The following CLIP3 variants were observed in gnomAD, a reference collection of about 807,000 sequenced individuals.
CLIP3 encodes the protein CAP-Gly domain containing linker protein 3.
Under a neutral mutation model 59.4 loss-of-function variants are expected in CLIP3, and 15 were observed. The ratio of observed to expected loss-of-function variants is 0.25; its 90% CI spans 0.17 to 0.39. The LOEUF (loss-of-function observed/expected upper bound fraction) is 0.39, where lower values mean the gene tolerates loss of function less well. CLIP3 is among the 10% of genes least tolerant of loss of function. CLIP3 has a pLI of 1.00. For synonymous variants in CLIP3, 300 were observed against 321.6 expected (o/e 0.93, Z 0.72); for missense variants, 495 against 765.7 (o/e 0.65, Z 4.17).
intron 2 of CLIP3, among the ~76,000 whole-genome samples, chr19:36,028,996 C>CTTTTTTTTTT (rs71167588): frequency 3.1e-5 from 2 of 65,212 alleles, no homozygotes; most frequent in African/African-American, 1.3e-4. Flanking sequence ...ATCTCCTACT[C>CTTTTTTTTTT]TTTTTTTTTT....
At chr19:36,031,023 C>CTTTTTTTTTTTTTTTTTTTCTT (rs55762943) in intron 2 of CLIP3, among the ~76,000 whole-genome samples, 2 of 80,176 alleles carry the variant, frequency 2.5e-5, no homozygotes, top group African/African-American at 9.1e-5. Flanking sequence ...TTTTTTTTTT[C>CTTTTTTTTTTTTTTTTTTTCTT]TTTTTTTTTT....
rs1350720260 is a variant in CLIP3 at position 36,019,008 on chromosome 19, G to A, written c.1073C>T (p.Ser358Phe). ...PPKQGLFASV[S>F]KISKAVDAPP... is the part of the protein sequence containing the mutation. ...TGCGTCCACTGCCTTGGAGATCTTG[G>A]ACACGGAGGCAAAGAGACCTAGGGG... The change falls in exon 9 of 14, where the codon TCC becomes TTC. Residue 358 changes from serine (S) to phenylalanine (F), a missense_variant. Physicochemically the swap from Ser to Phe is radical, Grantham distance 155 (BLOSUM62 -2). Coordinates refer to ENST00000360535, the MANE Select transcript of CLIP3 (RefSeq NM_015526.3). The A allele has an allele frequency of 1.3e-6, 2 of 1,592,988 alleles. No individual in the cohort carries two copies. The highest frequency in any genetic ancestry group is 2.3e-5 in the South Asian group (2 of 87,456).
chr19:36,017,368 T>C lies in CLIP3; in HGVS notation c.1516+18A>G. On this transcript the variant is annotated intron_variant, in intron 12 of 13. Transcript: ENST00000360535. Reference sequence around the variant, plus strand: ...CCCCAAACGTACACTCCTCCCAACATATCATCCCCTAACTCACTTGTCACT... The same window carrying C: ...CCCCAAACGTACACTCCTCCCAACACATCATCCCCTAACTCACTTGTCACT... 6.2e-7 allele frequency: 1 copy of C among 1,612,946 alleles called. No homozygotes were observed. The highest frequency in any genetic ancestry group is 8.5e-7 in the Non-Finnish European group (1 of 1,178,948).
chr19:36,030,923 C>A (rs998511624), intron 2 of CLIP3, among the ~76,000 whole-genome samples: 1 of 152,128 alleles, frequency 6.6e-6, no homozygotes, highest in African/African-American at 2.4e-5. Flanking sequence ...AAAGAGCAGC[C>A]CTGACTACCC....
In CLIP3 at chr19:36,017,455, G is replaced by A; in HGVS notation, c.1452-5C>T. 6.2e-7 allele frequency: 1 copy of A among 1,614,142 alleles called. No individual in the cohort carries two copies. Among genetic ancestry groups the A allele is most frequent in the South Asian group, 1.1e-5 (1 of 91,080 alleles). ...GAATCAGTGGATCCGCCAATCCTGA[G>A]GAGACACGGGGAGGGGGAGAAGTCA... On this transcript the variant is annotated splice_polypyrimidine_tract_variant and splice_region_variant and intron_variant, in intron 11 of 13. Coordinates refer to ENST00000360535, the MANE Select transcript of CLIP3 (RefSeq NM_015526.3).
chr19:36,026,448 C>G lies in CLIP3; in HGVS notation c.562+138G>C, dbSNP rs972127646. The G allele has an allele frequency of 3.2e-6, 4 of 1,264,738 alleles. No homozygotes were observed. The African/African-American group carries it at 5.9e-5, about 19-fold the overall frequency. The allele number at this position is 1,264,738 out of a possible 1,614,324, so 78.3% of individuals were successfully genotyped here. On this transcript the variant is annotated intron_variant, in intron 5 of 13. Coordinates refer to ENST00000360535, the MANE Select transcript of CLIP3 (RefSeq NM_015526.3). This position sits in a 1 kb window ranked among gnomAD's most constrained non-coding sequence, Gnocchi z 6.3. The stretch of plus-strand genomic sequence containing the variant: ...CCTCCCTAGAGTGGTAGTCCCTGAG[C>G]CCCCTCTCCCACGCCTCCAACCTCC...
chr19:36,016,844 C>CT lies in CLIP3; in HGVS notation c.1589+62dup. On this transcript the variant is annotated intron_variant, in intron 13 of 13. Coordinates refer to ENST00000360535, the MANE Select transcript of CLIP3 (RefSeq NM_015526.3). This position sits in a 1 kb window ranked among gnomAD's most constrained non-coding sequence, Gnocchi z 4.1. ...CAGAGCTCCAGACCTCTGGGTCCAA[C>CT]TGCCTTATGGATCCCTCTCCCTGAA... 1 of 1,553,272 alleles carries CT rather than the reference C, an allele frequency of 6.4e-7. No homozygotes were observed. Among genetic ancestry groups the CT allele is most frequent in the South Asian group, 1.2e-5 (1 of 86,950 alleles).
At chr19:36,017,823 C>A (rs757338516) in intron 10 of CLIP3, 25 bp downstream of exon 10, 2 of 1,614,182 alleles carry the variant, frequency 1.2e-6, no homozygotes, top group African/African-American at 1.3e-5. Context: ...CTGCCTGCCT[C>A]CCGGCCCAGA....
intron 7 of CLIP3, among the ~76,000 whole-genome samples, chr19:36,019,620 T>TC (rs935162336): frequency 1.3e-5 from 2 of 150,878 alleles, no homozygotes; most frequent in African/African-American, 4.9e-5. Flanking sequence ...TTTTTTTTTT[T>TC]CGAGACAGCG....
chr19:36,019,133 C>A (rs1237669178), intron 8 of CLIP3, 38 bp downstream of exon 8: 1 of 1,612,360 alleles, frequency 6.2e-7, no homozygotes. Flanking sequence ...CGAGTGGACA[C>A]CCAGCCACAC....
At chr19:36,029,438 A>G (rs932197128) in intron 2 of CLIP3, among the ~76,000 whole-genome samples, 1 of 149,690 alleles carries the variant, frequency 6.7e-6, no homozygotes, top group Non-Finnish European at 1.5e-5. Context: ...AGTATACATC[A>G]CCATGCCCAG....
chr19:36,018,955 G>A lies in CLIP3; in HGVS notation c.1126C>T (p.Arg376Trp), dbSNP rs772384420. 15 of 1,610,154 alleles carry A rather than the reference G, an allele frequency of 9.3e-6. No individual in the cohort carries two copies. The highest frequency in any genetic ancestry group is 3.4e-5 in the Admixed American group (2 of 59,138). The change falls in exon 9 of 14, where the codon CGG (arginine) becomes TGG (tryptophan). Residue 376 changes from arginine to tryptophan, a missense_variant. Physicochemically the swap from Arg to Trp is moderately radical, Grantham distance 101. Coordinates refer to ENST00000360535, the MANE Select transcript of CLIP3 (RefSeq NM_015526.3). ...APPSSVTSTP[R>W]TPRMDFSRVT... ...CGGGAGAAGTCCATCCGGGGGGTCCGGGGTGTGGAGGTGACAGAGGAGGGG... is the reference window on the plus strand; with the variant it reads ...CGGGAGAAGTCCATCCGGGGGGTCCAGGGTGTGGAGGTGACAGAGGAGGGG...
chr19:36,031,008 C>CTTTTTTTT (rs374690845), intron 2 of CLIP3, among the ~76,000 whole-genome samples: 124 of 77,832 alleles, frequency 1.6e-3, no homozygotes, highest in East Asian at 3.4e-3. Context: ...TTTTTCTTTT[C>CTTTTTTTT]TTTTTTTTTT....
intron 2 of CLIP3, among the ~76,000 whole-genome samples, chr19:36,027,569 G>A (rs957783531): frequency 1.3e-5 from 2 of 152,194 alleles, no homozygotes; most frequent in Non-Finnish European, 2.9e-5. Flanking sequence ...AGAGAGTGCA[G>A]TACCTTGGAG....
rs1380936857 is a variant in CLIP3 at position 36,032,825 on chromosome 19, G to A, written c.-160C>T. ...CGTGATGGGGGAGGCAAGGGAGACAGAGAGAAGGGGACGAGGCCCAGACGC... is the reference window on the plus strand; with the variant it reads ...CGTGATGGGGGAGGCAAGGGAGACAAAGAGAAGGGGACGAGGCCCAGACGC... On this transcript the variant is annotated 5_prime_UTR_variant, in exon 1 of 14. Transcript: ENST00000360535. The surrounding 1 kb of genome is among the most constrained non-coding windows in gnomAD (Gnocchi z 4.3). 1 of 152,678 alleles carries A rather than the reference G, an allele frequency of 6.5e-6. No individual in the cohort carries two copies. The highest frequency in any genetic ancestry group is 1.5e-5 in the Non-Finnish European group (1 of 68,346). 9.5% of individuals were successfully genotyped at this position (152,678 alleles called of 1,614,324 possible).
In CLIP3 at chr19:36,026,566, G is replaced by A. The variant is rs376822878; in HGVS notation, c.562+20C>T. ...TCACCCAGGTCCTTGCCCCCTCCCA[G>A]CCAGGGCTCTCCTCCTCACCTCGCG... On this transcript the variant is annotated intron_variant, in intron 5 of 13. Coordinates refer to ENST00000360535, the MANE Select transcript of CLIP3 (RefSeq NM_015526.3). The surrounding 1 kb of genome is among the most constrained non-coding windows in gnomAD (Gnocchi z 6.3). 4 of 1,612,258 alleles carry A rather than the reference G, an allele frequency of 2.5e-6. No homozygotes were observed. Among genetic ancestry groups the A allele is most frequent in the African/African-American group, 1.3e-5 (1 of 74,900 alleles).
chr19:36,029,251 C>T (rs908831447), intron 2 of CLIP3, among the ~76,000 whole-genome samples: 1 of 142,106 alleles, frequency 7.0e-6, no homozygotes, highest in Admixed American at 7.5e-5. Flanking sequence ...ACTCGGAAGG[C>T]AGAGGTTGCA....
At chr19:36,027,593 G>A (rs1969146682) in intron 2 of CLIP3, among the ~76,000 whole-genome samples, 1 of 152,168 alleles carries the variant, frequency 6.6e-6, no homozygotes, top group Non-Finnish European at 1.5e-5. Flanking sequence ...GCATGTCCAG[G>A]GGGACTGCTA....
Position 36,032,279 on chromosome 19 carries a change from CG to C in CLIP3, c.78del (p.Val27SerfsTer70). 1 of 1,295,026 alleles carries C rather than the reference CG, an allele frequency of 7.7e-7. No homozygotes were observed. Among genetic ancestry groups the C allele is most frequent in the Non-Finnish European group, 9.9e-7 (1 of 1,013,144 alleles). The allele number at this position is 1,295,026 out of a possible 1,614,324, so 80.2% of individuals were successfully genotyped here. A position where few individuals can be genotyped will look rare whatever the true frequency, so the allele number is the denominator to read the frequency against. ...TGGGTGGGGCTGGGGGCCTCGGGGACGGGTTCATCCTCCTCCTCCTCTTCTT... is the reference window on the plus strand; with the variant it reads ...TGGGTGGGGCTGGGGGCCTCGGGGACGGTTCATCCTCCTCCTCCTCTTCTT... Reference protein sequence around the residue: ...EEEEEEEEDEPVPEAPSPTQE... With the variant: ...EEEEEEEEDEXVPEAPSPTQE... On this transcript the variant is annotated frameshift_variant, in exon 2 of 14. Coordinates refer to ENST00000360535, the MANE Select transcript of CLIP3 (RefSeq NM_015526.3). LOFTEE classifies it high-confidence loss of function. The surrounding 1 kb of genome is among the most constrained non-coding windows in gnomAD (Gnocchi z 4.3).
Sources: allele counts gnomAD v4.1 joint callset (sites outside exome capture counted in the v4.1 genomes callset), GRCh38; gene constraint gnomAD v4.1.1; non-coding constraint Gnocchi (gnomAD v3.1); transcripts MANE v1.5; gene names NCBI Gene and HGNC (gene_info 2026-07-23, HGNC 2026-07-21).